The following ASIC2 variants were observed in gnomAD, a reference collection of about 807,000 sequenced individuals.
ASIC2 encodes acid-sensing ion channel 2.
ASIC2 carries 25 observed loss-of-function variants against 57.3 expected under a neutral mutation model. The ratio of observed to expected loss-of-function variants is 0.44; its 90% CI spans 0.32 to 0.61. ASIC2 has a LOEUF of 0.61. Among genes scored for constraint, ASIC2 ranks in the 20% least tolerant of loss-of-function variants. The pLI is 0.06. For missense variants in ASIC2, 641 were observed against 738.1 expected (o/e 0.87, Z 1.52); for synonymous variants, 319 against 307.5 (o/e 1.04, Z -0.39).
chr17:33,711,558 T>C (rs549766162), intron 1 of ASIC2, among the ~76,000 whole-genome samples: 3 of 152,292 alleles, frequency 2.0e-5, no homozygotes, highest in South Asian at 2.1e-4. Flanking sequence ...CTGAGTAATT[T>C]ATAAAGAAAA....
Position 34,067,027 on chromosome 17 carries a change from C to A in ASIC2, c.555+88951G>T, listed in dbSNP as rs570629381. 1.5e-4 allele frequency among the ~76,000 whole-genome samples: 23 copies of A among 152,378 alleles called. No homozygotes were observed. In the South Asian group the frequency reaches 4.8e-3, roughly 32 times the overall value. On this transcript the variant is annotated intron_variant, in intron 1 of 9. Transcript: ENST00000359872. ...AAGACGGAACACTGCTGCCCTCAGG[C>A]AGCTGCCATGTCCTCTTCTCCTGGG...
chr17:33,665,511 C>T (rs1205768629), intron 1 of ASIC2, among the ~76,000 whole-genome samples: 1 of 152,206 alleles, frequency 6.6e-6, no homozygotes, highest in African/African-American at 2.4e-5. Flanking sequence ...GAGGCCAGAT[C>T]TTGAACAAAT....
intron 3 of ASIC2, among the ~76,000 whole-genome samples, chr17:33,072,666 T>C (rs2092073997): frequency 1.3e-5 from 2 of 152,100 alleles, no homozygotes; most frequent in Admixed American, 1.3e-4. Flanking sequence ...GGGGAGAGAG[T>C]TTGAGGTCCA....
chr17:33,395,659 T>A (rs1360408903), intron 1 of ASIC2, among the ~76,000 whole-genome samples: 2 of 152,156 alleles, frequency 1.3e-5, no homozygotes, highest in African/African-American at 4.8e-5. Flanking sequence ...AACAAAAATA[T>A]ATTGAGAGCC....
intron 1 of ASIC2, among the ~76,000 whole-genome samples, chr17:33,951,716 G>T (rs567887276): frequency 2.0e-5 from 3 of 151,374 alleles, no homozygotes; most frequent in East Asian, 3.9e-4. Flanking sequence ...CAGAGTAGCT[G>T]GGACTACAGG....
At chr17:33,763,056 T>C (rs1910832545) in intron 1 of ASIC2, among the ~76,000 whole-genome samples, 2 of 152,108 alleles carry the variant, frequency 1.3e-5, no homozygotes, top group South Asian at 4.1e-4. Flanking sequence ...TGTTACACAG[T>C]TAAGTTAGAA....
intron 2 of ASIC2, among the ~76,000 whole-genome samples, chr17:33,089,272 G>A (rs1049870720): frequency 1.3e-5 from 2 of 152,174 alleles, no homozygotes; most frequent in Admixed American, 6.5e-5. Flanking sequence ...CTATGAAAGG[G>A]AGGCAGGAGG....
At position 33,746,763 on chromosome 17, in the gene ASIC2, A is replaced by T. The variant is rs944052029; in HGVS notation, c.555+409215T>A. ...CTACCGAGTACTCAATTACAGCAGA[A>T]TATACATTTTTCTCAACGTTTTCTC... On this transcript the variant is annotated intron_variant, in intron 1 of 9. Transcript: ENST00000359872. 2.6e-5 allele frequency among the ~76,000 whole-genome samples: 4 copies of T among 152,148 alleles called. No homozygotes were observed. In the South Asian group the frequency reaches 6.2e-4, roughly 24 times the overall value.
intron 1 of ASIC2, among the ~76,000 whole-genome samples, chr17:33,547,748 G>T: frequency 6.6e-6 from 1 of 152,166 alleles, no homozygotes; most frequent in East Asian, 1.9e-4. Context: ...TTCTGCCCAT[G>T]CTACACCTGC....
chr17:33,168,950 A>G (rs1905404607), intron 1 of ASIC2, among the ~76,000 whole-genome samples: 1 of 152,178 alleles, frequency 6.6e-6, no homozygotes. Context: ...CATCAAGACA[A>G]TGGGAAAAAG....
chr17:33,133,794 A>AAG (rs1408732711), intron 1 of ASIC2, among the ~76,000 whole-genome samples: 6 of 152,228 alleles, frequency 3.9e-5, no homozygotes, highest in Admixed American at 3.9e-4. Context: ...TCAAAAGGAT[A>AAG]GAGGAAATGA....
intron 1 of ASIC2, among the ~76,000 whole-genome samples, chr17:33,191,033 T>C (rs752841084): frequency 3.3e-5 from 5 of 152,232 alleles, no homozygotes; most frequent in Non-Finnish European, 7.3e-5. Context: ...TGGATGTTTA[T>C]AGCAGCTTTA....
chr17:33,319,807 T>C lies in ASIC2; in HGVS notation c.556-207740A>G, dbSNP rs145827689. ...CCTCGGCCTCCCAAAGTGCTGGGAT[T>C]AGAGGCATGAGCCACTGTGCCTGGT... is the stretch of plus-strand genomic sequence containing the variant. On this transcript the variant is annotated intron_variant, in intron 1 of 9. Transcript: ENST00000359872. 7.2e-5 allele frequency among the ~76,000 whole-genome samples: 11 copies of C among 152,326 alleles called. No individual in the cohort carries two copies. In the East Asian group the frequency reaches 2.1e-3, roughly 29 times the overall value.
intron 1 of ASIC2, among the ~76,000 whole-genome samples, chr17:34,082,631 CATA>C (rs773879899): frequency 6.6e-6 from 1 of 152,236 alleles, no homozygotes; most frequent in Non-Finnish European, 1.5e-5. Flanking sequence ...CCCCTGGCAA[CATA>C]ATGACAACCT....
At chr17:33,448,927 G>A (rs1016441320) in intron 1 of ASIC2, among the ~76,000 whole-genome samples, 6 of 152,160 alleles carry the variant, frequency 3.9e-5, no homozygotes, top group African/African-American at 1.4e-4. Flanking sequence ...CAGATCAGGA[G>A]ACTTGTGTCA....
chr17:33,510,004 C>G (rs1466413363), intron 1 of ASIC2, among the ~76,000 whole-genome samples: 3 of 152,212 alleles, frequency 2.0e-5, no homozygotes, highest in African/African-American at 4.8e-5. Context: ...AATTCTGTTC[C>G]CTTCTCTTTA....
intron 1 of ASIC2, among the ~76,000 whole-genome samples, chr17:33,609,918 GTC>G (rs774658461): frequency 2.6e-5 from 4 of 152,084 alleles, no homozygotes; most frequent in Non-Finnish European, 5.9e-5. Flanking sequence ...AAGAACCAGA[GTC>G]TCTCTAGCTG....
At chr17:33,316,261 T>C (rs1372876297) in intron 1 of ASIC2, among the ~76,000 whole-genome samples, 1 of 152,240 alleles carries the variant, frequency 6.6e-6, no homozygotes, top group Non-Finnish European at 1.5e-5. Flanking sequence ...TCTCCTTTGC[T>C]GAACACGCTA....
chr17:34,153,324 A>G (rs1285793640), intron 1 of ASIC2, among the ~76,000 whole-genome samples: 1 of 152,182 alleles, frequency 6.6e-6, no homozygotes, highest in Non-Finnish European at 1.5e-5. Context: ...GCATGGTACA[A>G]TCCTAGATAG....
Sources: allele counts gnomAD v4.1 joint callset (sites outside exome capture counted in the v4.1 genomes callset), GRCh38; gene constraint gnomAD v4.1.1; transcripts MANE v1.5; gene names NCBI Gene and HGNC (gene_info 2026-07-23, HGNC 2026-07-21).